ZEB2: variants seen among roughly 807,000 people sequenced by gnomAD.
The protein encoded by ZEB2 is zinc finger E-box binding homeobox 2.
In ZEB2, 6 loss-of-function variants were observed where a neutral mutation model predicts 99.9. That is an observed-to-expected ratio of 0.06 (90% CI 0.03 to 0.12). The LOEUF is 0.12. Ranked by LOEUF, ZEB2 falls within the 10% of genes least tolerant of loss-of-function variation. ZEB2 has a pLI of 1.00. For missense variants in ZEB2, 969 were observed against 1,502.8 expected (o/e 0.64, Z 5.87); for synonymous variants, 517 against 542.5 (o/e 0.95, Z 0.65).
intron 5 of ZEB2, among the ~76,000 whole-genome samples, chr2:144,404,348 T>G (rs1455142009): frequency 7.1e-6 from 1 of 141,406 alleles, no homozygotes; most frequent in East Asian, 2.2e-4. Flanking sequence ...AATTAATTAA[T>G]TACTTCAGGT....
At chr2:144,412,579 G>A (rs1703480708) in intron 4 of ZEB2, among the ~76,000 whole-genome samples, 1 of 152,196 alleles carries the variant, frequency 6.6e-6, no homozygotes, top group South Asian at 2.1e-4. Context: ...TATGGAACCA[G>A]CAATCTGTGT....
At chr2:144,462,435 A>T (rs1461496206) in intron 2 of ZEB2, 20 of 152,160 alleles carry the variant, frequency 1.3e-4, no homozygotes, top group Non-Finnish European at 2.9e-5. Context: ...AAAACAAAAA[A>T]CCAGGAGTTT....
At chr2:144,510,966 C>T (rs1443608169) in intron 2 of ZEB2, among the ~76,000 whole-genome samples, 2 of 152,190 alleles carry the variant, frequency 1.3e-5, no homozygotes, top group Non-Finnish European at 2.9e-5. Context: ...GTTCAGCTAA[C>T]GGTGCAGCTA....
In ZEB2 at chr2:144,403,660, A is replaced by G. The variant is rs575111109; in HGVS notation, c.807+256T>C. Reference sequence around the variant, plus strand: ...ACTTTTTGTGGAACATAAAAATGAAACTAAAGTCAAGTTAAAGTGCAAATA... The same window carrying G: ...ACTTTTTGTGGAACATAAAAATGAAGCTAAAGTCAAGTTAAAGTGCAAATA... On this transcript the variant is annotated intron_variant, in intron 6 of 9. Transcript: ENST00000627532. 2.6e-5 allele frequency among the ~76,000 whole-genome samples: 4 copies of G among 152,230 alleles called. No homozygotes were observed. The East Asian group carries it at 7.7e-4, about 29-fold the overall frequency.
chr2:144,472,193 TTCATCA>T (rs3073687), intron 2 of ZEB2, among the ~76,000 whole-genome samples: 23,463 of 151,174 alleles, frequency 0.16, 2,012 homozygotes, highest in East Asian at 0.27. Flanking sequence ...TCATGTTTTC[TTCATCA>T]TCATCATCAT....
rs1382650872 is a variant in ZEB2, at chr2:144,399,730, A to G, written c.1457T>C (p.Leu486Ser). 1 of 1,613,734 alleles carries G rather than the reference A, an allele frequency of 6.2e-7. No individual in the cohort carries two copies. Among genetic ancestry groups the G allele is most frequent in the African/African-American group, 1.3e-5 (1 of 74,862 alleles). The change falls in exon 8 of 10, where the codon TTG becomes TCG. Residue 486 changes from leucine to serine, a missense_variant. Leu to Ser is a moderately radical substitution (Grantham distance 145). Around this residue, in one of 8 missense-constraint regions of ZEB2, gnomAD observed 227 missense variants for 278.2 expected, o/e 0.82. Coordinates refer to ENST00000627532, the MANE Select transcript of ZEB2 (RefSeq NM_014795.4). This position sits in a 1 kb window ranked among gnomAD's most constrained non-coding sequence, Gnocchi z 5.6. ...TGGATCCTTCATGTGATAACCTTTC[A>G]ACTTTGAAATTTCTTCAGCCTTGCA... Reference protein sequence around the residue: ...MDCKAEEISKLKGYHMKDPCS... With the variant: ...MDCKAEEISKSKGYHMKDPCS...
chr2:144,411,802 G>C (rs1195274387), intron 4 of ZEB2, among the ~76,000 whole-genome samples: 1 of 152,234 alleles, frequency 6.6e-6, no homozygotes. Context: ...GCGAGGTGAA[G>C]AGTGGACAAG....
chr2:144,486,570 A>G (rs1573792648), intron 2 of ZEB2, among the ~76,000 whole-genome samples: 1 of 152,140 alleles, frequency 6.6e-6, no homozygotes. Context: ...TCTTTAATAT[A>G]ATAATATATT....
intron 2 of ZEB2, among the ~76,000 whole-genome samples, chr2:144,447,812 G>T (rs1704006139): frequency 6.6e-6 from 1 of 152,130 alleles, no homozygotes; most frequent in Admixed American, 6.5e-5. Flanking sequence ...TAGAAGCTGG[G>T]GCAGCTCAGC....
At chr2:144,391,052 C>G (rs997272628) in intron 9 of ZEB2, among the ~76,000 whole-genome samples, 4 of 152,194 alleles carry the variant, frequency 2.6e-5, no homozygotes, top group Non-Finnish European at 4.4e-5. Flanking sequence ...ACTTGCATTT[C>G]AGCAAATTAA....
At chr2:144,498,673 C>T (rs1219523784) in intron 2 of ZEB2, among the ~76,000 whole-genome samples, 3 of 152,112 alleles carry the variant, frequency 2.0e-5, no homozygotes, top group East Asian at 1.9e-4. Flanking sequence ...ATGAGAGAAA[C>T]GATGGCATGC....
rs780169349 is a variant in ZEB2, at chr2:144,398,872, A to G, written c.2315T>C (p.Val772Ala). ...ACTCCTGGAGTGGTCCAATTTTTCA[A>G]CTGGTTTAATATTGGTAAAATGGGA... ...KPSHFTNIKP[V>A]EKLDHSRSNT... is the part of the protein sequence containing the mutation. Residue 772 changes from valine to alanine, a missense_variant, in exon 8 of 10, where the codon GTT (valine) becomes GCT (alanine). Coordinates refer to ENST00000627532, the MANE Select transcript of ZEB2 (RefSeq NM_014795.4). 6.2e-7 allele frequency: 1 copy of G among 1,614,206 alleles called. No individual in the cohort carries two copies. Among genetic ancestry groups the G allele is most frequent in the Non-Finnish European group, 8.5e-7 (1 of 1,180,024 alleles).
At chr2:144,447,711 G>A (rs1210793202) in intron 2 of ZEB2, among the ~76,000 whole-genome samples, 3 of 152,218 alleles carry the variant, frequency 2.0e-5, no homozygotes, top group Non-Finnish European at 4.4e-5. Flanking sequence ...GTAAGGGACT[G>A]CAGCTTCGCA....
rs376485788 is a variant in ZEB2, at chr2:144,469,466, A to G, written c.74-39440T>C. The stretch of plus-strand genomic sequence containing the variant: ...CTGATCTGAGTGCTACAGACTCCCA[A>G]TTAGTCACTATTCATACAATTCTAC... On this transcript the variant is annotated intron_variant, in intron 2 of 9. Coordinates refer to ENST00000627532, the MANE Select transcript of ZEB2 (RefSeq NM_014795.4). 1.2e-4 allele frequency among the ~76,000 whole-genome samples: 18 copies of G among 152,256 alleles called. No individual in the cohort carries two copies. In the East Asian group the frequency reaches 2.3e-3, roughly 20 times the overall value.
At chr2:144,425,937 C>T (rs1032757625) in intron 3 of ZEB2, among the ~76,000 whole-genome samples, 1 of 152,128 alleles carries the variant, frequency 6.6e-6, no homozygotes, top group Non-Finnish European at 1.5e-5. Flanking sequence ...CTTTGCTTAT[C>T]ATATTCTAAT....
chr2:144,438,157 G>A (rs1703861554), intron 2 of ZEB2, among the ~76,000 whole-genome samples: 1 of 152,170 alleles, frequency 6.6e-6, no homozygotes, highest in Non-Finnish European at 1.5e-5. Flanking sequence ...TGGAGTTCTA[G>A]CCTATCCATA....
intron 4 of ZEB2, among the ~76,000 whole-genome samples, chr2:144,423,642 T>C (rs1236618640): frequency 2.0e-5 from 3 of 152,174 alleles, no homozygotes; most frequent in Non-Finnish European, 4.4e-5. Context: ...TTTTCTAGAA[T>C]CATCTATTGT....
At chr2:144,421,956 A>G (rs1703624611) in intron 4 of ZEB2, among the ~76,000 whole-genome samples, 1 of 152,118 alleles carries the variant, frequency 6.6e-6, no homozygotes. Flanking sequence ...TCAAAATTAG[A>G]TCCTTCTTCT....
At chr2:144,513,905 A>C in intron 2 of ZEB2, 6 of 1,495,946 alleles carry the variant, frequency 4.0e-6, no homozygotes, top group Non-Finnish European at 5.3e-6. Context: ...CAGGCGACTG[A>C]GGATCATCTG....
Sources: gnomAD v4.1 joint callset for allele counts (sites outside exome capture counted in the v4.1 genomes callset) on GRCh38, gnomAD v4.1.1 for gene constraint, gnomAD v4.1.1 regional missense constraint, Gnocchi (gnomAD v3.1) non-coding constraint, MANE v1.5 for transcripts, NCBI Gene and HGNC (gene_info 2026-07-23, HGNC 2026-07-21) for gene names.